The following STEAP2 variants were observed in gnomAD, a reference collection of about 807,000 sequenced individuals.
STEAP2 encodes STEAP2 metalloreductase.
STEAP2 carries 30 observed loss-of-function variants against 46.4 expected under a neutral mutation model. The ratio of observed to expected loss-of-function variants is 0.65; its 90% confidence interval spans 0.48 to 0.88. The LOEUF (loss-of-function observed/expected upper bound fraction) is 0.88. STEAP2 is among the 40% of genes least tolerant of loss of function. The pLI is 0.00. For synonymous variants in STEAP2, 180 were observed against 200.5 expected, an observed-to-expected ratio of 0.90 and a Z score of 0.86; for missense variants, 513 against 579.3, an observed-to-expected ratio of 0.89 and a Z score of 1.18.
intron 4 of STEAP2, among the ~76,000 whole-genome samples, chr7:90,228,708 GTCTA>G (rs1046957919): frequency 1.3e-5 from 2 of 152,118 alleles, no homozygotes; most frequent in South Asian, 2.1e-4. Context: ...AGGGATCTTT[GTCTA>G]TCTTTTTCAC....
chr7:90,226,952 C>T lies in STEAP2; in HGVS notation c.493-19C>T. The T allele has an allele frequency of 6.5e-7, 1 of 1,545,048 alleles. No individual in the cohort carries two copies. Among genetic ancestry groups the T allele is most frequent in the Non-Finnish European group, 8.7e-7 (1 of 1,150,544 alleles). On this transcript the variant is annotated intron_variant, in intron 3 of 5. Transcript: ENST00000394621. The stretch of plus-strand genomic sequence containing the variant: ...ATAAACAACAATGGTAATGCTGAGT[C>T]TTTTTGTTTTTTCCACAGGTTTATA...
chr7:90,219,029 G>GT (rs569911827), intron 2 of STEAP2, among the ~76,000 whole-genome samples: 56 of 149,806 alleles, frequency 3.7e-4, no homozygotes, highest in Non-Finnish European at 6.3e-4. Context: ...GTTTGTTTTT[G>GT]TTTTTTTTAT....
intron 2 of STEAP2, among the ~76,000 whole-genome samples, chr7:90,221,419 T>A (rs536205997): frequency 6.6e-6 from 1 of 152,188 alleles, no homozygotes; most frequent in African/African-American, 2.4e-5. Flanking sequence ...TCAAACTGTT[T>A]TATTTGATAT....
At position 90,235,269 on chromosome 7, in the gene STEAP2, C is replaced by A; in HGVS notation, c.*2645C>A. The A allele has an allele frequency of 1.0e-6, 1 of 978,588 alleles. No individual in the cohort carries two copies. The highest frequency in any genetic ancestry group is 1.2e-6 in the Non-Finnish European group (1 of 823,606). 60.6% of individuals were successfully genotyped at this position (978,588 alleles called of 1,614,324 possible). ...GTTTCAAATGGCACTATCTTCTTTT[C>A]AGTACTACAAAAACAGAATAATTTT... On this transcript the variant is annotated 3_prime_UTR_variant, in exon 6 of 6. Transcript: ENST00000394621.
chr7:90,212,500 A>G (rs1418778324), intron 1 of STEAP2, among the ~76,000 whole-genome samples: 1 of 152,164 alleles, frequency 6.6e-6, no homozygotes, highest in Non-Finnish European at 1.5e-5. Flanking sequence ...CAGTAATGTA[A>G]TCGTGGTGTT....
downstream of STEAP2, among the ~76,000 whole-genome samples, chr7:90,240,818 A>C (rs1796051176): frequency 6.6e-6 from 1 of 152,206 alleles, no homozygotes; most frequent in African/African-American, 2.4e-5. The surrounding 1 kb of genome is among the most constrained non-coding windows in gnomAD (Gnocchi z 4.1). Flanking sequence ...ACCACATTCA[A>C]GCATTTCTAT....
chr7:90,228,690 A>C (rs1322016485), intron 4 of STEAP2, among the ~76,000 whole-genome samples: 1 of 152,184 alleles, frequency 6.6e-6, no homozygotes, highest in Non-Finnish European at 1.5e-5. Context: ...AAGTAAGTTC[A>C]TGAGAAGAGG....
intron 5 of STEAP2, among the ~76,000 whole-genome samples, chr7:90,230,538 T>C (rs1027210401): frequency 6.6e-6 from 1 of 151,846 alleles, no homozygotes; most frequent in Admixed American, 6.6e-5. Flanking sequence ...ACTAGAGTAA[T>C]GGATTATAAC....
At position 90,235,077 on chromosome 7, in the gene STEAP2, A is replaced by C. The variant is rs1795916463; in HGVS notation, c.*2453A>C. The C allele has an allele frequency of 1.1e-6, 1 of 947,916 alleles. No homozygotes were observed. Among genetic ancestry groups the C allele is most frequent in the African/African-American group, 1.8e-5 (1 of 56,376 alleles). The allele number at this position is 947,916 out of a possible 1,614,324, so 58.7% of individuals were successfully genotyped here. A position where few individuals can be genotyped will look rare whatever the true frequency, so the allele number is the denominator to read the frequency against. ...TTTTAACACTATGCTTAACCACTTAATGTGATGAAATATTCCTAAAAGTTA... is the reference window on the plus strand; with the variant it reads ...TTTTAACACTATGCTTAACCACTTACTGTGATGAAATATTCCTAAAAGTTA... On this transcript the variant is annotated 3_prime_UTR_variant, in exon 6 of 6. Coordinates refer to ENST00000394621, the MANE Select transcript of STEAP2 (RefSeq NM_001244944.2).
At chr7:90,237,759 AG>A (rs1796007273), downstream of STEAP2, 1 of 200,912 alleles carries the variant, frequency 5.0e-6, no homozygotes, top group South Asian at 1.1e-4. Flanking sequence ...ATAGTTATGG[AG>A]GGGTTTTGTT....
intron 4 of STEAP2, among the ~76,000 whole-genome samples, chr7:90,228,821 A>G (rs1795613615): frequency 6.6e-6 from 1 of 152,170 alleles, no homozygotes; most frequent in Admixed American, 6.5e-5. Context: ...AGGTAGATCC[A>G]GGTTGTAGTC....
At chr7:90,242,141 C>A (rs1796071045), downstream of STEAP2, among the ~76,000 whole-genome samples, 1 of 152,038 alleles carries the variant, frequency 6.6e-6, no homozygotes, top group Non-Finnish European at 1.5e-5. Context: ...GAACTTACTC[C>A]ATGAAGAATT....
At chr7:90,218,737 G>T (rs1486839994) in intron 2 of STEAP2, among the ~76,000 whole-genome samples, 2 of 152,176 alleles carry the variant, frequency 1.3e-5, no homozygotes, top group African/African-American at 4.8e-5. Flanking sequence ...TTTTGCTTAG[G>T]ATTGCTGTAG....
chr7:90,236,191 C>CA lies in STEAP2; in HGVS notation c.*3567_*3568insA. On this transcript the variant is annotated 3_prime_UTR_variant, in exon 6 of 6. Transcript: ENST00000394621. ...ATAATAAATTCTGTACAGTTTCCCC[C>CA]CAAAAAAGAGATTTATTTATGAAAT... 3.9e-6 allele frequency: 3 copies of CA among 772,876 alleles called. No individual in the cohort carries two copies. The highest frequency in any genetic ancestry group is 4.7e-6 in the Non-Finnish European group (3 of 637,796). 47.9% of individuals were successfully genotyped at this position (772,876 alleles called of 1,614,324 possible).
rs780975294 is a variant in STEAP2, at chr7:90,229,975, C to A, written c.1124C>A (p.Ala375Glu). The A allele has an allele frequency of 1.9e-6, 3 of 1,613,628 alleles. 1 individual carries two copies. The South Asian group carries it at 3.3e-5, about 18-fold the overall frequency. ...IMSLGLLSLL[A>E]VTSIPSVSNA... ...AGCCTTGGCTTACTTTCCCTCCTGG[C>A]AGTCACTTCTATCCCTTCAGTGAGC... is the stretch of plus-strand genomic sequence containing the variant. Residue 375 changes from alanine (A) to glutamate (E), a missense_variant, in exon 5 of 6, where the codon GCA (alanine) becomes GAA (glutamate). Transcript: ENST00000394621.
At chr7:90,215,466 A>G (rs1249182312) in intron 1 of STEAP2, 1 of 152,244 alleles carries the variant, frequency 6.6e-6, no homozygotes, top group Non-Finnish European at 1.5e-5. Flanking sequence ...TCAAAATAAT[A>G]CATTCTCAAG....
Position 90,225,538 on chromosome 7 carries a change from G to A in STEAP2, c.456G>A (p.Trp152Ter). 6.2e-7 allele frequency: 1 copy of A among 1,611,816 alleles called. No homozygotes were observed. Among genetic ancestry groups the A allele is most frequent in the Non-Finnish European group, 8.5e-7 (1 of 1,179,076 alleles). ...AAGGATTTAATGTTGTCTCAGCTTG[G>A]GCACTTCAGTTAGGACCTAAGGATG... ...IVKGFNVVSAWALQLGPKDAS... is the reference protein window; with the variant it reads ...IVKGFNVVSA Residue 152 changes from tryptophan (W) to a stop codon, truncating the protein, a stop_gained, in exon 3 of 6, where the codon TGG (tryptophan) becomes TGA (stop). Transcript: ENST00000394621. LOFTEE classifies it high-confidence loss of function.
rs993876013 is a variant in STEAP2 at position 90,235,684 on chromosome 7, C to T, written c.*3060C>T. ...CCATGAGCTGTATCATGCTACTTAG[C>T]TTTTATGTAAATATTTCTTATGTCT... On this transcript the variant is annotated 3_prime_UTR_variant, in exon 6 of 6. Transcript: ENST00000394621. The T allele has an allele frequency of 5.6e-6, 5 of 897,116 alleles. No individual in the cohort carries two copies. The highest frequency in any genetic ancestry group is 6.7e-6 in the Non-Finnish European group (5 of 749,744). 55.6% of individuals were successfully genotyped at this position (897,116 alleles called of 1,614,324 possible).
Position 90,227,124 on chromosome 7 carries a change from G to A in STEAP2, c.646G>A (p.Val216Met). 6.2e-7 allele frequency: 1 copy of A among 1,613,878 alleles called. No individual in the cohort carries two copies. The highest frequency in any genetic ancestry group is 8.5e-7 in the Non-Finnish European group (1 of 1,179,862). ...LRLFTLWRGP[V>M]VVAISLATFF... ...ACTCTTTACTCTCTGGAGAGGGCCA[G>A]TGGTGGTAGCTATAAGCTTGGCCAC... Residue 216 changes from valine (V) to methionine (M), a missense_variant, in exon 4 of 6, where the codon GTG becomes ATG. Val to Met is a conservative substitution (Grantham distance 21). Coordinates refer to ENST00000394621, the MANE Select transcript of STEAP2 (RefSeq NM_001244944.2).
Sources: gnomAD v4.1 joint callset for allele counts (sites outside exome capture counted in the v4.1 genomes callset) on GRCh38, gnomAD v4.1.1 for gene constraint, Gnocchi (gnomAD v3.1) non-coding constraint, MANE v1.5 for transcripts, NCBI Gene and HGNC (gene_info 2026-07-23, HGNC 2026-07-21) for gene names.